Variants in CAMTA1 observed in about 807,000 individuals in gnomAD.
The protein encoded by CAMTA1 is calmodulin-binding transcription activator 1.
Under a neutral mutation model 170.9 loss-of-function variants are expected in CAMTA1, and 27 were observed. The observed-to-expected ratio is 0.16, with a 90% CI of 0.12 to 0.22. CAMTA1 has a LOEUF of 0.22. Among genes scored for constraint, CAMTA1 ranks in the 10% least tolerant of loss-of-function variants. The pLI is 1.00. For missense variants in CAMTA1, 1,619 were observed against 2,217.2 expected (o/e 0.73, Z 5.42); for synonymous variants, 833 against 891.5 (o/e 0.93, Z 1.17).
At chr1:7,260,542 GT>G (rs1461990887) in intron 5 of CAMTA1, among the ~76,000 whole-genome samples, 1 of 152,246 alleles carries the variant, frequency 6.6e-6, no homozygotes, top group Non-Finnish European at 1.5e-5. Flanking sequence ...GGCAGGGCTA[GT>G]CCCAGTGATA....
At chr1:7,575,444 G>A (rs771147552) in intron 6 of CAMTA1, among the ~76,000 whole-genome samples, 213 of 152,300 alleles carry the variant, frequency 1.4e-3, no homozygotes, top group Non-Finnish European at 2.5e-3. Flanking sequence ...TTTCTTAGGG[G>A]CAGAATCCAG....
intron 3 of CAMTA1, among the ~76,000 whole-genome samples, chr1:6,871,178 A>G: frequency 6.6e-6 from 1 of 152,204 alleles, no homozygotes; most frequent in East Asian, 1.9e-4. Flanking sequence ...GTGTAATTCC[A>G]GTAGAACTAG....
chr1:7,761,709 G>A (rs1213895478), intron 22 of CAMTA1, among the ~76,000 whole-genome samples: 1 of 152,146 alleles, frequency 6.6e-6, no homozygotes, highest in Non-Finnish European at 1.5e-5. Context: ...TAATGTTAAT[G>A]AAACCAGTTC....
At chr1:7,240,518 C>CT (rs759906051) in intron 4 of CAMTA1, among the ~76,000 whole-genome samples, 310 of 125,694 alleles carry the variant, frequency 2.5e-3, no homozygotes, top group Middle Eastern at 0.012. Flanking sequence ...GTTCCAGAGT[C>CT]TTTTTTTTTT....
At chr1:7,016,451 A>T (rs1348422796) in intron 3 of CAMTA1, among the ~76,000 whole-genome samples, 1 of 152,244 alleles carries the variant, frequency 6.6e-6, no homozygotes, top group Non-Finnish European at 1.5e-5. Flanking sequence ...CACAATGGGT[A>T]ACAGGAAGGG....
intron 4 of CAMTA1, among the ~76,000 whole-genome samples, chr1:7,147,780 A>C (rs1357041204): frequency 1.0e-4 from 8 of 80,202 alleles, no homozygotes; most frequent in Admixed American, 4.3e-4. Context: ...CACACACACA[A>C]ACTCAAACAT....
intron 5 of CAMTA1, among the ~76,000 whole-genome samples, chr1:7,304,504 C>G (rs1675284062): frequency 6.6e-6 from 1 of 151,936 alleles, no homozygotes; most frequent in African/African-American, 2.4e-5. Flanking sequence ...ACAAATTGTC[C>G]TCCATAGATG....
chr1:7,440,070 T>G (rs1247270614), intron 5 of CAMTA1, among the ~76,000 whole-genome samples: 1 of 152,358 alleles, frequency 6.6e-6, no homozygotes, highest in South Asian at 2.1e-4. Flanking sequence ...GGGCATCCCA[T>G]GTGCCCCACA....
intron 6 of CAMTA1, among the ~76,000 whole-genome samples, chr1:7,493,368 C>T (rs999867937): frequency 2.5e-5 from 2 of 80,648 alleles, no homozygotes; most frequent in African/African-American, 1.0e-4. Context: ...TACAAACACA[C>T]GTGCGCACAC....
chr1:7,428,659 C>G (rs150995311), intron 5 of CAMTA1, among the ~76,000 whole-genome samples: 97 of 152,268 alleles, frequency 6.4e-4, no homozygotes, highest in African/African-American at 2.2e-3. Flanking sequence ...TTCCTCTGAC[C>G]CCCCACACTG....
At position 7,544,203 on chromosome 1, in the gene CAMTA1, G is replaced by A. The variant is rs186256312; in HGVS notation, c.510+76302G>A. On this transcript the variant is annotated intron_variant, in intron 6 of 22. Coordinates refer to ENST00000303635, the MANE Select transcript of CAMTA1 (RefSeq NM_015215.4). ...AAGCAAAAGGCACTTCTTACATGGC[G>A]GTGGCAAGAGAAAAATGAAGAAGAT... Among the ~76,000 whole-genome samples, 178 of 152,226 alleles carry A rather than the reference G, an allele frequency of 1.2e-3. 1 individual carries two copies. The highest frequency in any genetic ancestry group is 2.1e-3 in the Non-Finnish European group (140 of 68,014).
At chr1:7,446,496 C>G (rs1049303947) in intron 5 of CAMTA1, among the ~76,000 whole-genome samples, 2 of 152,110 alleles carry the variant, frequency 1.3e-5, no homozygotes, top group African/African-American at 4.8e-5. Flanking sequence ...GGCTGAGAGA[C>G]CGGGAGGGGA....
chr1:7,236,942 G>A (rs1663988734), intron 4 of CAMTA1, among the ~76,000 whole-genome samples: 1 of 152,234 alleles, frequency 6.6e-6, no homozygotes, highest in Admixed American at 6.5e-5. Flanking sequence ...CTCAGGAATA[G>A]TGTCCACTCT....
At chr1:6,813,719 TCAAA>T (rs1454289719) in intron 1 of CAMTA1, among the ~76,000 whole-genome samples, 1 of 151,984 alleles carries the variant, frequency 6.6e-6, no homozygotes, top group Non-Finnish European at 1.5e-5. Flanking sequence ...ACTCCTGGGC[TCAAA>T]CAGTCCTCCC....
chr1:6,902,071 AC>A (rs1430589719), intron 3 of CAMTA1, among the ~76,000 whole-genome samples: 41 of 78,784 alleles, frequency 5.2e-4, no homozygotes, highest in African/African-American at 6.6e-4. Flanking sequence ...ACACACACAC[AC>A]AAAAAAAAAA....
chr1:6,841,898 C>G (rs1655875964), intron 3 of CAMTA1, among the ~76,000 whole-genome samples: 1 of 152,212 alleles, frequency 6.6e-6, no homozygotes, highest in Non-Finnish European at 1.5e-5. Context: ...TCAGCAGCCA[C>G]TACAGGGCCC....
Position 7,680,168 on chromosome 1 carries a change from TG to T in CAMTA1, c.2914+2437del. 4.2e-6 allele frequency: 1 copy of T among 235,798 alleles called. No individual in the cohort carries two copies. The highest frequency in any genetic ancestry group is 3.5e-5 in the South Asian group (1 of 28,252). 14.6% of individuals were successfully genotyped at this position (235,798 alleles called of 1,614,324 possible). A position where few individuals can be genotyped will look rare whatever the true frequency, so the allele number is the denominator to read the frequency against. ...CGGGCCTCTGGCCAGCCACGGGGCC[TG>T]GCCATGAACTTTGCGTCCGGGCCAA... On this transcript the variant is annotated intron_variant, in intron 11 of 22. Coordinates refer to ENST00000303635, the MANE Select transcript of CAMTA1 (RefSeq NM_015215.4). The surrounding 1 kb of genome is among the most constrained non-coding windows in gnomAD (Gnocchi z 4.4).
intron 3 of CAMTA1, among the ~76,000 whole-genome samples, chr1:6,972,254 G>A (rs1278879139): frequency 6.6e-6 from 1 of 152,152 alleles, no homozygotes; most frequent in East Asian, 1.9e-4. Context: ...TAAATTGCAG[G>A]GAAGAGTAAC....
intron 4 of CAMTA1, among the ~76,000 whole-genome samples, chr1:7,245,799 C>T (rs1191773838): frequency 1.3e-5 from 2 of 152,106 alleles, no homozygotes; most frequent in Non-Finnish European, 2.9e-5. Context: ...GAGATGAAGA[C>T]TTGAGTGTGA....
Sources: allele counts gnomAD v4.1 joint callset (sites outside exome capture counted in the v4.1 genomes callset), GRCh38; gene constraint gnomAD v4.1.1; non-coding constraint Gnocchi (gnomAD v3.1); transcripts MANE v1.5; gene names NCBI Gene and HGNC (gene_info 2026-07-23, HGNC 2026-07-21).